The following PTK2B variants were observed in gnomAD, a reference collection of about 807,000 sequenced individuals.
PTK2B encodes protein tyrosine kinase 2 beta, also known as protein-tyrosine kinase 2-beta.
A neutral mutation model predicts 142.9 loss-of-function variants in PTK2B; 71 were observed. The ratio of observed to expected loss-of-function variants is 0.50; its 90% CI spans 0.41 to 0.61. The LOEUF (loss-of-function observed/expected upper bound fraction) is 0.61. PTK2B is among the 20% of genes least tolerant of loss of function. The pLI, the probability that PTK2B is intolerant of heterozygous loss-of-function variation, is 0.00. For missense variants in PTK2B, 1,105 were observed against 1,320.4 expected, an observed-to-expected ratio of 0.84 and a Z score of 2.53; for synonymous variants, 519 against 503.4, an observed-to-expected ratio of 1.03 and a Z score of -0.42.
intron 1 of PTK2B, among the ~76,000 whole-genome samples, chr8:27,337,018 T>C (rs1324109423): frequency 1.5e-5 from 2 of 135,936 alleles, no homozygotes; most frequent in African/African-American, 5.5e-5. Context: ...TAACCGCTAA[T>C]TAATACTTAT....
rs1811999072 is a variant in PTK2B, at chr8:27,454,217, C to A, written c.2659C>A (p.Leu887Met). 1 of 1,614,144 alleles carries A rather than the reference C, an allele frequency of 6.2e-7. No individual in the cohort carries two copies. The highest frequency in any genetic ancestry group is 8.5e-7 in the Non-Finnish European group (1 of 1,180,018). Residue 887 changes from leucine (L) to methionine (M), a missense_variant, in exon 29 of 31, where the codon CTG becomes ATG. Leu to Met is a conservative substitution (Grantham distance 15). Coordinates refer to ENST00000346049, the MANE Select transcript of PTK2B (RefSeq NM_173176.3). ...CCTGGTGTACCTCAATGTCATGGAG[C>A]TGGTGCGGGCCGTGCTGGAGCTCAA... ...DDLVYLNVME[L>M]VRAVLELKNE...
chr8:27,343,149 G>A (rs996354966), intron 1 of PTK2B, among the ~76,000 whole-genome samples: 4 of 152,166 alleles, frequency 2.6e-5, no homozygotes, highest in African/African-American at 9.7e-5. Flanking sequence ...AAATATGCGG[G>A]CTTTGACATC....
In PTK2B at chr8:27,407,031, G is replaced by T. The variant is rs188318091; in HGVS notation, c.204+9243G>T. On this transcript the variant is annotated intron_variant, in intron 2 of 30. Coordinates refer to ENST00000346049, the MANE Select transcript of PTK2B (RefSeq NM_173176.3). ...TTCATCCCTCCTCAATCTCAGCGTG[G>T]CATCAAGAACGCTTCATACGGTTTA... Among the ~76,000 whole-genome samples the T allele has an allele frequency of 2.6e-5, 4 of 152,234 alleles. No individual in the cohort carries two copies. The East Asian group carries it at 7.7e-4, about 29-fold the overall frequency.
chr8:27,375,821 G>C (rs751566469), intron 1 of PTK2B, among the ~76,000 whole-genome samples: 5 of 152,240 alleles, frequency 3.3e-5, no homozygotes, highest in African/African-American at 4.8e-5. Flanking sequence ...TGTACGACCT[G>C]TTTGTTCTCA....
Position 27,433,511 on chromosome 8 carries a change from A to G in PTK2B, c.1064A>G (p.Gln355Arg), listed in dbSNP as rs745453997. 5 of 1,614,200 alleles carry G rather than the reference A, an allele frequency of 3.1e-6. No individual in the cohort carries two copies. Among genetic ancestry groups the G allele is most frequent in the Non-Finnish European group, 4.2e-6 (5 of 1,179,994 alleles). Residue 355 changes from glutamine to arginine, a missense_variant, in exon 11 of 31, where the codon CAG (glutamine) becomes CGG (arginine). Transcript: ENST00000346049. Reference sequence around the variant, plus strand: ...CTCATAGACGGCTACTGCCGGCTGCAGGGTGAGCACCAAGGCTCTCTCATC... The same window carrying G: ...CTCATAGACGGCTACTGCCGGCTGCGGGGTGAGCACCAAGGCTCTCTCATC... The part of the protein sequence containing the change: ...ADLIDGYCRL[Q>R]GEHQGSLIIH...
chr8:27,329,495 C>G (rs1195398529), intron 1 of PTK2B, among the ~76,000 whole-genome samples: 1 of 152,138 alleles, frequency 6.6e-6, no homozygotes, highest in Non-Finnish European at 1.5e-5. Context: ...TGGTAGGTCA[C>G]TCAGTCTCTA....
intron 2 of PTK2B, among the ~76,000 whole-genome samples, chr8:27,416,689 G>GAGAAAATAT (rs752293742): frequency 1.2e-4 from 18 of 152,152 alleles, no homozygotes; most frequent in Non-Finnish European, 2.2e-4. Flanking sequence ...TACAGACCTG[G>GAGAAAATAT]AGAAAATATT....
intron 1 of PTK2B, among the ~76,000 whole-genome samples, chr8:27,365,656 G>A (rs573989217): frequency 5.9e-5 from 8 of 136,196 alleles, no homozygotes; most frequent in Non-Finnish European, 1.2e-4. Context: ...TACCAACTTC[G>A]TTTTGCGGAT....
chr8:27,320,773 T>C (rs1803193650), upstream of PTK2B, among the ~76,000 whole-genome samples: 1 of 152,014 alleles, frequency 6.6e-6, no homozygotes. Flanking sequence ...GGAAGGCTTC[T>C]TTATGTAGGC....
chr8:27,387,817 CT>C (rs60954097), intron 1 of PTK2B, among the ~76,000 whole-genome samples: 58,366 of 144,844 alleles, frequency 0.4, 11,597 homozygotes, highest in Middle Eastern at 0.52. Flanking sequence ...CTGGGGAAGG[CT>C]TTTTTTTTTT....
intron 1 of PTK2B, among the ~76,000 whole-genome samples, chr8:27,372,785 T>A (rs908226460): frequency 2.0e-5 from 3 of 152,094 alleles, no homozygotes; most frequent in Non-Finnish European, 4.4e-5. Flanking sequence ...CTAGCTGAGG[T>A]TGGGACAGAG....
At chr8:27,403,828 TTTTCTTC>T (rs1339555897) in intron 2 of PTK2B, among the ~76,000 whole-genome samples, 1 of 151,840 alleles carries the variant, frequency 6.6e-6, no homozygotes, top group Non-Finnish European at 1.5e-5. Context: ...CTTCTTTCTT[TTTTCTTC>T]TTTCTTCTCT....
chr8:27,339,541 G>A (rs1804268947), intron 1 of PTK2B, among the ~76,000 whole-genome samples: 1 of 152,182 alleles, frequency 6.6e-6, no homozygotes, highest in Non-Finnish European at 1.5e-5. Context: ...TGGGCAAGAA[G>A]GTAAGAAAGG....
intron 1 of PTK2B, among the ~76,000 whole-genome samples, chr8:27,393,937 A>G (rs759101234): frequency 1.1e-4 from 17 of 152,164 alleles, no homozygotes; most frequent in Non-Finnish European, 2.2e-4. Context: ...TGTTGCCTCC[A>G]TAGCTGCATA....
intron 1 of PTK2B, among the ~76,000 whole-genome samples, chr8:27,347,404 A>G (rs535211508): frequency 6.6e-6 from 1 of 152,244 alleles, no homozygotes; most frequent in African/African-American, 2.4e-5. Flanking sequence ...TTCTTATGTT[A>G]GTTTGCTCAA....
intron 1 of PTK2B, among the ~76,000 whole-genome samples, chr8:27,372,462 G>A (rs1806418406): frequency 6.6e-6 from 1 of 152,116 alleles, no homozygotes; most frequent in African/African-American, 2.4e-5. Flanking sequence ...TTACTCAGCA[G>A]GGGGGTCAGC....
intron 21 of PTK2B, among the ~76,000 whole-genome samples, chr8:27,442,445 C>T (rs1219857648): frequency 1.2e-4 from 18 of 151,958 alleles, no homozygotes; most frequent in South Asian, 2.1e-4. Context: ...ACCGGGGATG[C>T]GTTGGGGGAT....
intron 1 of PTK2B, among the ~76,000 whole-genome samples, chr8:27,367,409 C>T (rs529427290): frequency 3.3e-4 from 50 of 152,226 alleles, no homozygotes; most frequent in African/African-American, 1.1e-3. Context: ...AGCCCAGGTG[C>T]GGGGTGTCTG....
In PTK2B at chr8:27,408,008, T is replaced by C. The variant is rs138673345; in HGVS notation, c.204+10220T>C. Among the ~76,000 whole-genome samples, 9 of 152,342 alleles carry C rather than the reference T, an allele frequency of 5.9e-5. No individual in the cohort carries two copies. The East Asian group carries it at 1.7e-3, about 29-fold the overall frequency. ...ACTGGAAATCCATTTAAATCTTTAC[T>C]GTAATCTCTTTGAGGGAGAGAACTG... On this transcript the variant is annotated intron_variant, in intron 2 of 30. Coordinates refer to ENST00000346049, the MANE Select transcript of PTK2B (RefSeq NM_173176.3).
Sources: allele counts gnomAD v4.1 joint callset (sites outside exome capture counted in the v4.1 genomes callset), GRCh38; gene constraint gnomAD v4.1.1; transcripts MANE v1.5; gene names NCBI Gene and HGNC (gene_info 2026-07-23, HGNC 2026-07-21).